AGTR1: variants seen among roughly 807,000 people sequenced by gnomAD.
The protein encoded by AGTR1 is type-1 angiotensin II receptor.
In AGTR1, 16 loss-of-function variants were observed where a neutral mutation model predicts 19.4. The observed-to-expected ratio is 0.82, with a 90% confidence interval of 0.56 to 1.25. The LOEUF is 1.25. Among genes scored for constraint, AGTR1 ranks in the 50% most tolerant of loss-of-function variants. AGTR1 has a pLI of 0.00. For synonymous variants in AGTR1, 153 were observed against 154.9 expected, an observed-to-expected ratio of 0.99 and a Z score of 0.09; for missense variants, 373 against 431.9, an observed-to-expected ratio of 0.86 and a Z score of 1.21.
Position 148,741,818 on chromosome 3 carries a change from T to C in AGTR1, c.783T>C (p.Phe261=), listed in dbSNP as rs1714918967. 1 of 1,613,710 alleles carries C rather than the reference T, an allele frequency of 6.2e-7. No homozygotes were observed. Among genetic ancestry groups the C allele is most frequent in the Admixed American group, 1.7e-5 (1 of 60,028 alleles). The change falls in exon 3 of 3, where the codon TTT becomes TTC. Residue 261 remains phenylalanine (F), a synonymous_variant. Coordinates refer to ENST00000349243, the MANE Select transcript of AGTR1 (RefSeq NM_000685.5). The part of the protein sequence containing the change: ...FSWIPHQIFT[F]LDVLIQLGII... Reference sequence around the variant, plus strand: ...GGATTCCCCACCAAATATTCACTTTTCTGGATGTATTGATTCAACTAGGCA... The same window carrying C: ...GGATTCCCCACCAAATATTCACTTTCCTGGATGTATTGATTCAACTAGGCA...
chr3:148,738,745 G>A (rs1387233609), intron 2 of AGTR1, among the ~76,000 whole-genome samples: 1 of 152,116 alleles, frequency 6.6e-6, no homozygotes, highest in Non-Finnish European at 1.5e-5. Context: ...TTTTGTTTTT[G>A]TTTCTGTTTT....
At chr3:148,726,122 T>C (rs1713916900) in intron 2 of AGTR1, among the ~76,000 whole-genome samples, 1 of 152,184 alleles carries the variant, frequency 6.6e-6, no homozygotes, top group African/African-American at 2.4e-5. Context: ...TAATGATTTG[T>C]CCAAGATCTC....
At chr3:148,721,237 T>A (rs1004207930) in intron 2 of AGTR1, among the ~76,000 whole-genome samples, 1 of 152,190 alleles carries the variant, frequency 6.6e-6, no homozygotes, top group Non-Finnish European at 1.5e-5. Flanking sequence ...AAGCCCACTC[T>A]CAGTGTATGA....
intron 1 of AGTR1, chr3:148,698,383 C>T (rs1343705280): frequency 6.6e-6 from 1 of 152,214 alleles, no homozygotes; most frequent in Non-Finnish European, 1.5e-5. Context: ...TCCATTTTAA[C>T]CAAACTCTTC....
chr3:148,708,826 G>GT (rs1368090330), intron 2 of AGTR1, among the ~76,000 whole-genome samples: 4 of 152,150 alleles, frequency 2.6e-5, no homozygotes, highest in African/African-American at 9.7e-5. Flanking sequence ...GCTTCTCCTA[G>GT]TCCCCTCCAG....
chr3:148,706,483 A>G (rs1182623464), intron 1 of AGTR1, among the ~76,000 whole-genome samples: 2 of 151,990 alleles, frequency 1.3e-5, no homozygotes, highest in Non-Finnish European at 2.9e-5. Flanking sequence ...AAATCCTCCT[A>G]TATATAATTA....
At chr3:148,731,772 T>G (rs780314821) in intron 2 of AGTR1, among the ~76,000 whole-genome samples, 2 of 152,242 alleles carry the variant, frequency 1.3e-5, no homozygotes, top group Non-Finnish European at 2.9e-5. Context: ...TGCTTTCTCT[T>G]CCAGGCTGTT....
chr3:148,740,278 G>A (rs186640693), intron 2 of AGTR1, among the ~76,000 whole-genome samples: 30 of 152,318 alleles, frequency 2.0e-4, no homozygotes, highest in Non-Finnish European at 2.2e-4. Flanking sequence ...GAAATGGCTG[G>A]CAGGTATGAA....
chr3:148,723,716 G>A (rs13072169), intron 2 of AGTR1, among the ~76,000 whole-genome samples: 4 of 152,340 alleles, frequency 2.6e-5, no homozygotes, highest in South Asian at 2.1e-4. Context: ...CACATCTCAC[G>A]AAGTGCAGAC....
chr3:148,742,089 C>T lies in AGTR1; in HGVS notation c.1054C>T (p.Pro352Ser), dbSNP rs755384581. 1.2e-6 allele frequency: 2 copies of T among 1,614,052 alleles called. No homozygotes were observed. Among genetic ancestry groups the T allele is most frequent in the Non-Finnish European group, 1.7e-6 (2 of 1,180,016 alleles). ...TAATGTAAGCTCATCCACCAAGAAG[C>T]CTGCACCATGTTTTGAGGTTGAGTG... ...SDNVSSSTKK[P>S]APCFEVE The change falls in exon 3 of 3, where the codon CCT becomes TCT. Residue 352 changes from proline to serine, a missense_variant. By Grantham distance (74) the Pro-to-Ser change is moderately conservative. Transcript: ENST00000349243.
chr3:148,728,143 A>AAAT (rs1335084157), intron 2 of AGTR1, among the ~76,000 whole-genome samples: 1 of 152,246 alleles, frequency 6.6e-6, no homozygotes, highest in African/African-American at 2.4e-5. Context: ...CAAAAAGTAA[A>AAAT]AATAATAATA....
chr3:148,739,821 G>C, intron 2 of AGTR1: 1 of 1,231,718 alleles, frequency 8.1e-7, no homozygotes, highest in Non-Finnish European at 1.0e-6. Flanking sequence ...GCAAGAGAAT[G>C]CTCAGCCATG....
intron 1 of AGTR1, among the ~76,000 whole-genome samples, chr3:148,700,201 C>A (rs1712255895): frequency 6.6e-6 from 1 of 152,074 alleles, no homozygotes; most frequent in Non-Finnish European, 1.5e-5. Context: ...TTTGTTCCTG[C>A]TGCTACTTAC....
At chr3:148,704,045 TA>T (rs1347805266) in intron 1 of AGTR1, among the ~76,000 whole-genome samples, 1 of 152,102 alleles carries the variant, frequency 6.6e-6, no homozygotes, top group Non-Finnish European at 1.5e-5. Flanking sequence ...TTTAAAAAAA[TA>T]GTAGATGACA....
intron 2 of AGTR1, among the ~76,000 whole-genome samples, chr3:148,725,297 A>G (rs965271156): frequency 2.0e-5 from 3 of 152,170 alleles, no homozygotes; most frequent in Non-Finnish European, 4.4e-5. Flanking sequence ...AGTCATTTGT[A>G]CTTTATGTGT....
chr3:148,730,631 A>G (rs12695902), intron 2 of AGTR1: 12,798 of 155,928 alleles, frequency 0.082, 552 homozygotes, highest in Middle Eastern at 0.12. Context: ...TCAGCATTTA[A>G]GCCAGAGTTG....
At chr3:148,735,539 A>G (rs275649) in intron 2 of AGTR1, among the ~76,000 whole-genome samples, 101,903 of 152,060 alleles carry the variant, frequency 0.67, 36,246 homozygotes, top group East Asian at 0.91. Context: ...ATAAATAGTA[A>G]AGCAATTGGG....
Position 148,742,096 on chromosome 3 carries a change from CAT to C in AGTR1, c.1062_1063del (p.Cys355PhefsTer2). ...AGCTCATCCACCAAGAAGCCTGCAC[CAT>C]GTTTTGAGGTTGAGTGACATGTTCG... is the stretch of plus-strand genomic sequence containing the variant. On this transcript the variant is annotated frameshift_variant, in exon 3 of 3. Transcript: ENST00000349243. LOFTEE classifies it high-confidence loss of function. The C allele has an allele frequency of 6.2e-7, 1 of 1,614,056 alleles. No homozygotes were observed. The highest frequency in any genetic ancestry group is 8.5e-7 in the Non-Finnish European group (1 of 1,180,036).
intron 1 of AGTR1, among the ~76,000 whole-genome samples, chr3:148,703,730 G>A (rs888844795): frequency 2.6e-5 from 4 of 152,068 alleles, no homozygotes; most frequent in Non-Finnish European, 2.9e-5. Flanking sequence ...TACAGTGTCT[G>A]CTCTATACTG....
Sources: gnomAD v4.1 joint callset for allele counts (sites outside exome capture counted in the v4.1 genomes callset) on GRCh38, gnomAD v4.1.1 for gene constraint, MANE v1.5 for transcripts, NCBI Gene and HGNC (gene_info 2026-07-23, HGNC 2026-07-21) for gene names.